The following LRRTM4 variants were observed in gnomAD, a reference collection of about 807,000 sequenced individuals.
LRRTM4 encodes the protein leucine-rich repeat transmembrane neuronal protein 4.
In LRRTM4, 25 loss-of-function variants were observed where a neutral mutation model predicts 47.6. The observed-to-expected ratio is 0.53, with a 90% CI of 0.38 to 0.73. LRRTM4 has a LOEUF of 0.73. Among genes scored for constraint, LRRTM4 ranks in the 30% least tolerant of loss-of-function variants. The probability of loss-of-function intolerance (pLI) is 0.00; values close to 1 mark genes in which losing one functional copy is unlikely to be tolerated. For synonymous variants in LRRTM4, 311 were observed against 269.5 expected, an observed-to-expected ratio of 1.15 and a Z score of -1.51; for missense variants, 638 against 713.4, an observed-to-expected ratio of 0.89 and a Z score of 1.20.
chr2:76,835,165 C>T (rs907271919), intron 3 of LRRTM4, among the ~76,000 whole-genome samples: 3 of 152,058 alleles, frequency 2.0e-5, no homozygotes, highest in Non-Finnish European at 2.9e-5. Context: ...AATTCCCAAA[C>T]AGAGCTCATT....
chr2:76,873,942 C>T (rs1485616426), intron 3 of LRRTM4, among the ~76,000 whole-genome samples: 1 of 151,806 alleles, frequency 6.6e-6, no homozygotes, highest in Non-Finnish European at 1.5e-5. Flanking sequence ...GTTAATTTTT[C>T]TACCTTAATA....
At chr2:76,897,863 C>T (rs1305872967) in intron 3 of LRRTM4, among the ~76,000 whole-genome samples, 1 of 152,142 alleles carries the variant, frequency 6.6e-6, no homozygotes, top group Non-Finnish European at 1.5e-5. Context: ...CTAGCAGTAC[C>T]ACTCATTCCA....
chr2:76,785,515 G>A (rs570206605), intron 3 of LRRTM4, among the ~76,000 whole-genome samples: 1 of 152,026 alleles, frequency 6.6e-6, no homozygotes, highest in East Asian at 1.9e-4. Context: ...CTTTTTAGTG[G>A]TAATCCAGGA....
chr2:77,509,287 G>A (rs11690363), intron 3 of LRRTM4, among the ~76,000 whole-genome samples: 8,843 of 149,804 alleles, frequency 0.059, 285 homozygotes, highest in Middle Eastern at 0.1. Context: ...TTATTAAAAT[G>A]AACTGAAGTA....
At chr2:76,840,543 C>T (rs906466085) in intron 3 of LRRTM4, among the ~76,000 whole-genome samples, 2 of 152,094 alleles carry the variant, frequency 1.3e-5, no homozygotes. Context: ...AAAGTTTAGT[C>T]TTCACATGCA....
intron 3 of LRRTM4, among the ~76,000 whole-genome samples, chr2:77,298,346 C>T (rs1210379210): frequency 1.3e-5 from 2 of 152,148 alleles, no homozygotes; most frequent in Non-Finnish European, 2.9e-5. Flanking sequence ...ACGCCATTCT[C>T]CTGCCTCAGC....
intron 3 of LRRTM4, among the ~76,000 whole-genome samples, chr2:76,990,620 C>A (rs1312452307): frequency 1.3e-5 from 2 of 151,760 alleles, no homozygotes; most frequent in Admixed American, 1.3e-4. Context: ...TACATATGCA[C>A]TCAACATTGG....
At chr2:76,924,969 CCT>C (rs139372703) in intron 3 of LRRTM4, among the ~76,000 whole-genome samples, 2,292 of 152,200 alleles carry the variant, frequency 0.015, 58 homozygotes, top group African/African-American at 0.053. Context: ...TTGACACGTG[CCT>C]TTGTCTTATC....
intron 3 of LRRTM4, among the ~76,000 whole-genome samples, chr2:77,339,748 G>A (rs1671299825): frequency 6.6e-6 from 1 of 151,998 alleles, no homozygotes; most frequent in Admixed American, 6.6e-5. Flanking sequence ...GGAAGACAGA[G>A]CTACATATCC....
At chr2:76,944,518 T>C (rs1367395861) in intron 3 of LRRTM4, among the ~76,000 whole-genome samples, 1 of 152,106 alleles carries the variant, frequency 6.6e-6, no homozygotes, top group Non-Finnish European at 1.5e-5. Flanking sequence ...AAATTTTTGG[T>C]GAATGAATGA....
rs1344749731 is a variant in LRRTM4, at chr2:76,919,873, T to C, written c.1552-170957A>G. Among the ~76,000 whole-genome samples, 8 of 152,190 alleles carry C rather than the reference T, an allele frequency of 5.3e-5. No homozygotes were observed. In the East Asian group the frequency reaches 1.5e-3, roughly 29 times the overall value. ...TCTGTCTTCTTGTTGTGTCATTTTC[T>C]GGTCCTTTCTCCAACTTTAAACAGA... On this transcript the variant is annotated intron_variant, in intron 3 of 3. Coordinates refer to ENST00000409884, the MANE Select transcript of LRRTM4 (RefSeq NM_001134745.3).
At chr2:77,203,506 C>T (rs532999299) in intron 3 of LRRTM4, among the ~76,000 whole-genome samples, 2 of 152,134 alleles carry the variant, frequency 1.3e-5, no homozygotes, top group South Asian at 4.2e-4. Flanking sequence ...GGCAGTAGGG[C>T]CCATCTTAAA....
At chr2:77,115,022 T>C in intron 3 of LRRTM4, among the ~76,000 whole-genome samples, 1 of 152,110 alleles carries the variant, frequency 6.6e-6, no homozygotes, top group South Asian at 2.1e-4. Context: ...CTGAGGGTAC[T>C]GCAGGAGACC....
intron 3 of LRRTM4, among the ~76,000 whole-genome samples, chr2:76,765,047 G>T (rs1037138393): frequency 3.3e-5 from 5 of 152,164 alleles, no homozygotes; most frequent in African/African-American, 1.2e-4. Flanking sequence ...CACCCATGTA[G>T]GACTGGAAAG....
intron 3 of LRRTM4, among the ~76,000 whole-genome samples, chr2:77,145,434 G>C (rs1021548668): frequency 6.6e-6 from 1 of 151,714 alleles, no homozygotes; most frequent in Admixed American, 6.6e-5. Flanking sequence ...AACAATATTT[G>C]AACGAATTAA....
intron 3 of LRRTM4, among the ~76,000 whole-genome samples, chr2:76,947,551 A>G (rs1675362797): frequency 6.6e-6 from 1 of 151,850 alleles, no homozygotes; most frequent in Admixed American, 6.6e-5. Flanking sequence ...GTTAAACTCC[A>G]TCTTATCTAA....
intron 3 of LRRTM4, among the ~76,000 whole-genome samples, chr2:76,807,245 C>T (rs1676013919): frequency 6.6e-6 from 1 of 151,580 alleles, no homozygotes; most frequent in Non-Finnish European, 1.5e-5. Flanking sequence ...GACAAATTTT[C>T]AACTGCAAGG....
At chr2:77,003,633 C>G (rs1299062265) in intron 3 of LRRTM4, among the ~76,000 whole-genome samples, 1 of 152,108 alleles carries the variant, frequency 6.6e-6, no homozygotes, top group Non-Finnish European at 1.5e-5. Context: ...TTAATTAAAC[C>G]TCTTCCCTTT....
chr2:77,358,252 C>T (rs1672045985), intron 3 of LRRTM4, among the ~76,000 whole-genome samples: 1 of 152,170 alleles, frequency 6.6e-6, no homozygotes, highest in African/African-American at 2.4e-5. Flanking sequence ...CAGCATCTGC[C>T]TGGCTTCTTT....
Sources: gnomAD v4.1 joint callset for allele counts (sites outside exome capture counted in the v4.1 genomes callset) on GRCh38, gnomAD v4.1.1 for gene constraint, MANE v1.5 for transcripts, NCBI Gene and HGNC (gene_info 2026-07-23, HGNC 2026-07-21) for gene names.